Variants in AGO2 observed in about 807,000 individuals in gnomAD.
AGO2 encodes the protein protein argonaute-2.
In AGO2, 5 loss-of-function variants were observed where a neutral mutation model predicts 102.3. That is an observed-to-expected ratio of 0.05 (90% CI 0.03 to 0.10). The LOEUF is 0.10. Among genes scored for constraint, AGO2 ranks in the 10% least tolerant of loss-of-function variants. The probability of loss-of-function intolerance (pLI) is 1.00; values close to 1 mark genes in which losing one functional copy is unlikely to be tolerated. For missense variants in AGO2, 541 were observed against 1,183.7 expected (o/e 0.46, Z 7.97); for synonymous variants, 449 against 473.1 (o/e 0.95, Z 0.66).
At chr8:140,538,698 C>T (rs1390607823) in intron 16 of AGO2, among the ~76,000 whole-genome samples, 2 of 152,232 alleles carry the variant, frequency 1.3e-5, no homozygotes, top group Non-Finnish European at 2.9e-5. Context: ...TGCACAGCTC[C>T]ATGCTGTGGT....
chr8:140,597,480 C>CCCCCCCCCCCCCCCCCCCCCCCCCA (rs2073864620), intron 1 of AGO2, among the ~76,000 whole-genome samples: 2 of 132,126 alleles, frequency 1.5e-5, no homozygotes, highest in Admixed American at 7.9e-5. Context: ...CCCCACCCCC[C>CCCCCCCCCCCCCCCCCCCCCCCCCA]CCCCCCCGCC....
chr8:140,556,357 AG>A, intron 8 of AGO2, 71 bp from the exon 9 acceptor site: 1 of 1,584,898 alleles, frequency 6.3e-7, no homozygotes, highest in Non-Finnish European at 8.6e-7. Context: ...CAGGGGGCTC[AG>A]GGGCTGGTGG....
chr8:140,572,797 T>C lies in AGO2; in HGVS notation c.336+15A>G, dbSNP rs13276958. The stretch of plus-strand genomic sequence containing the variant: ...ACCGTATGTTACTCCACCAAGGGCA[T>C]CCCGGCGAGCTTACCTTGTCCCTCC... On this transcript the variant is annotated intron_variant, in intron 3 of 18. Transcript: ENST00000220592. The C allele has an allele frequency of 0.39, 632,779 of 1,606,320 alleles. 133,436 individuals are homozygous for C. The highest frequency in any genetic ancestry group is 0.44 in the Non-Finnish European group (519,673 of 1,177,044).
At chr8:140,641,040 A>G in the AGO2 span, among the ~76,000 whole-genome samples, 1 of 152,186 alleles carries the variant, frequency 6.6e-6, no homozygotes, top group South Asian at 2.1e-4. Context: ...TTACACCTGT[A>G]ATCCCAGCAC....
intron 1 of AGO2, among the ~76,000 whole-genome samples, chr8:140,600,724 C>T (rs73362380): frequency 0.064 from 9,739 of 151,308 alleles, 717 homozygotes; most frequent in African/African-American, 0.19. Flanking sequence ...TTTTCCCATT[C>T]GGAGGAGAAT....
chr8:140,542,542 AACAC>A (rs1221994485), intron 14 of AGO2, among the ~76,000 whole-genome samples: 4 of 152,020 alleles, frequency 2.6e-5, no homozygotes, highest in African/African-American at 7.2e-5. Flanking sequence ...ATAGGGGATA[AACAC>A]ACAGATTTCT....
chr8:140,555,900 C>T lies in AGO2; in HGVS notation c.1265G>A (p.Gly422Asp). Residue 422 changes from glycine to aspartate, a missense_variant, in exon 10 of 19, where the codon GGC (glycine) becomes GAC (aspartate). Around this residue, in one of 6 missense-constraint regions of AGO2, gnomAD observed 309 missense variants for 735.1 expected, o/e 0.42. Transcript: ENST00000220592. Reference protein sequence around the residue: ...VLQPPSILYGGRNKAIATPVQ... With the variant: ...VLQPPSILYGDRNKAIATPVQ... ...TCCCCGCCGCCCCACACGTACCCTG[C>T]CCCCGTAGAGGATGGAGGGCGGCTG... The T allele has an allele frequency of 6.2e-7, 1 of 1,613,512 alleles. No individual in the cohort carries two copies. Among genetic ancestry groups the T allele is most frequent in the Non-Finnish European group, 8.5e-7 (1 of 1,179,918 alleles).
intron 1 of AGO2, among the ~76,000 whole-genome samples, chr8:140,590,756 A>G (rs1349907274): frequency 6.6e-6 from 1 of 152,192 alleles, no homozygotes; most frequent in African/African-American, 2.4e-5. Context: ...AGCTGATGCC[A>G]CCAAGGGGGT....
At chr8:140,574,418 T>A (rs757328741) in intron 2 of AGO2, among the ~76,000 whole-genome samples, 79 of 152,116 alleles carry the variant, frequency 5.2e-4, no homozygotes, top group Non-Finnish European at 8.4e-4. Context: ...CAGGCCACTA[T>A]GCCCAGTTAA....
chr8:140,549,018 C>T, intron 12 of AGO2, 96 bp downstream of exon 12: 1 of 1,434,120 alleles, frequency 7.0e-7, no homozygotes, highest in Non-Finnish European at 9.2e-7. Context: ...GAGCACCTTT[C>T]TCAGTGCAGC....
intron 1 of AGO2, among the ~76,000 whole-genome samples, chr8:140,596,447 G>A (rs2073845443): frequency 6.6e-6 from 1 of 152,188 alleles, no homozygotes; most frequent in Non-Finnish European, 1.5e-5. Context: ...GCCGGGCACG[G>A]TGGCGCATGC....
At chr8:140,558,985 C>T (rs959920545) in intron 6 of AGO2, among the ~76,000 whole-genome samples, 2 of 152,164 alleles carry the variant, frequency 1.3e-5, no homozygotes, top group African/African-American at 4.8e-5. Context: ...GTCCTAGACC[C>T]CCCCCAATCT....
Position 140,572,797 on chromosome 8 carries a change from T to G in AGO2, c.336+15A>C. On this transcript the variant is annotated intron_variant, in intron 3 of 18. Coordinates refer to ENST00000220592, the MANE Select transcript of AGO2 (RefSeq NM_012154.5). ...ACCGTATGTTACTCCACCAAGGGCA[T>G]CCCGGCGAGCTTACCTTGTCCCTCC... The G allele has an allele frequency of 1.2e-6, 2 of 1,606,806 alleles. No homozygotes were observed. Among genetic ancestry groups the G allele is most frequent in the Non-Finnish European group, 1.7e-6 (2 of 1,177,374 alleles).
intron 16 of AGO2, among the ~76,000 whole-genome samples, chr8:140,538,260 A>G (rs954295708): frequency 3.9e-5 from 6 of 152,118 alleles, no homozygotes; most frequent in African/African-American, 9.7e-5. Context: ...AACACTCTGA[A>G]GTATTCTTTC....
In AGO2 at chr8:140,585,196, T is replaced by C; in HGVS notation, c.138A>G (p.Glu46=). 1.2e-6 allele frequency: 2 copies of C among 1,614,210 alleles called. No individual in the cohort carries two copies. The highest frequency in any genetic ancestry group is 8.5e-7 in the Non-Finnish European group (1 of 1,180,036). Residue 46 remains glutamate, a synonymous_variant, in exon 2 of 19, where the codon GAA becomes GAG. Coordinates refer to ENST00000220592, the MANE Select transcript of AGO2 (RefSeq NM_012154.5). ...AGATGTCAATTTTGGGGATGTCCAT[T>C]TCGAAGAAATTGGCCTGTAATTTGA... ...RTIKLQANFF[E]MDIPKIDIYH...
At chr8:140,535,344 G>T in intron 17 of AGO2, 124 bp downstream of exon 17, 1 of 1,019,984 alleles carries the variant, frequency 9.8e-7, no homozygotes, top group Non-Finnish European at 1.5e-6. Flanking sequence ...CGGTTCCCTG[G>T]TACTGCCTGT....
chr8:140,616,367 C>T (rs2074142768), intron 1 of AGO2, among the ~76,000 whole-genome samples: 1 of 152,208 alleles, frequency 6.6e-6, no homozygotes, highest in Non-Finnish European at 1.5e-5. Flanking sequence ...GGAAGATTTG[C>T]CATGCATTAA....
intron 3 of AGO2, among the ~76,000 whole-genome samples, chr8:140,566,620 G>GGC (rs2073289919): frequency 6.8e-6 from 1 of 146,654 alleles, no homozygotes; most frequent in African/African-American, 2.5e-5. Context: ...TTTTTTTTTG[G>GGC]GGGGGGGGAA....
intron 1 of AGO2, among the ~76,000 whole-genome samples, chr8:140,587,577 C>G (rs888558842): frequency 6.6e-6 from 1 of 152,210 alleles, no homozygotes; most frequent in African/African-American, 2.4e-5. Flanking sequence ...GGAGACAGAG[C>G]AGAAGTGTGC....
Sources: allele counts gnomAD v4.1 joint callset (sites outside exome capture counted in the v4.1 genomes callset), GRCh38; gene constraint gnomAD v4.1.1; regional missense constraint gnomAD v4.1.1; transcripts MANE v1.5; gene names NCBI Gene and HGNC (gene_info 2026-07-23, HGNC 2026-07-21).